OCLN: variants seen among roughly 807,000 people sequenced by gnomAD.
The protein encoded by OCLN is phosphatase 1, regulatory subunit 115.
OCLN carries 21 observed loss-of-function variants against 47.9 expected under a neutral mutation model. The ratio of observed to expected loss-of-function variants is 0.44; its 90% CI spans 0.31 to 0.63. OCLN has a LOEUF of 0.63. Ranked by LOEUF, OCLN falls within the 30% of genes least tolerant of loss-of-function variation. OCLN has a pLI of 0.08. For missense variants in OCLN, 360 were observed against 571.0 expected (o/e 0.63, Z 3.77); for synonymous variants, 117 against 198.4 (o/e 0.59, Z 3.45).
chr5:69,513,968 G>C lies in OCLN; in HGVS notation c.750G>C (p.Gly250=), dbSNP rs1458486495. The change falls in exon 4 of 9, where the codon GGG becomes GGC. Residue 250 remains glycine (G), a synonymous_variant. Coordinates refer to ENST00000396442, the MANE Select transcript of OCLN (RefSeq NM_001205254.2). ...DPQEAIAIVL[G]FMIIVAFALI... is the part of the protein sequence containing the mutation. ...TTTAGGCCATTGCCATTGTACTGGG[G>C]TTCATGATTATTGTGGCTTTTGCTT... The C allele has an allele frequency of 6.2e-7, 1 of 1,613,786 alleles. No individual in the cohort carries two copies. The highest frequency in any genetic ancestry group is 1.3e-5 in the African/African-American group (1 of 74,902).
chr5:69,532,111 C>T (rs1227724600), intron 4 of OCLN, among the ~76,000 whole-genome samples: 1 of 151,958 alleles, frequency 6.6e-6, no homozygotes, highest in Non-Finnish European at 1.5e-5. Context: ...ATCAAAATAA[C>T]TTTATGTACT....
rs577733357 is a variant in OCLN, at chr5:69,505,724, C to T, written c.50+1430C>T. ...TATCAAACATTGATAGGGATTTCCT[C>T]CTCTAAGTAGTTTGCAGCTTTAACC... On this transcript the variant is annotated intron_variant, in intron 2 of 8. Coordinates refer to ENST00000396442, the MANE Select transcript of OCLN (RefSeq NM_001205254.2). Among the ~76,000 whole-genome samples the T allele has an allele frequency of 1.1e-4, 16 of 152,266 alleles. No individual in the cohort carries two copies. In the South Asian group the frequency reaches 3.3e-3, roughly 32 times the overall value.
intron 4 of OCLN, among the ~76,000 whole-genome samples, chr5:69,532,256 A>G (rs1368744711): frequency 2.6e-5 from 4 of 152,098 alleles, no homozygotes; most frequent in Admixed American, 1.3e-4. Context: ...TGTATTTGAG[A>G]CAGGGTCTCA....
At chr5:69,495,308 C>G (rs1343249297) in intron 1 of OCLN, among the ~76,000 whole-genome samples, 1 of 152,088 alleles carries the variant, frequency 6.6e-6, no homozygotes, top group Non-Finnish European at 1.5e-5. Context: ...CCCAGTGATT[C>G]CAGTCTTGGC....
At chr5:69,522,615 C>T (rs1342991231) in intron 4 of OCLN, among the ~76,000 whole-genome samples, 1 of 152,084 alleles carries the variant, frequency 6.6e-6, no homozygotes, top group Non-Finnish European at 1.5e-5. Flanking sequence ...GACCACCCCC[C>T]TTGTTTTTTA....
chr5:69,515,148 G>A (rs1380486354), intron 4 of OCLN, among the ~76,000 whole-genome samples: 21 of 139,982 alleles, frequency 1.5e-4, no homozygotes, highest in African/African-American at 2.4e-4. Context: ...CTGGCCGGGC[G>A]GGGGGCTGAC....
chr5:69,527,513 T>G (rs528570855), intron 4 of OCLN, among the ~76,000 whole-genome samples: 4 of 152,216 alleles, frequency 2.6e-5, no homozygotes, highest in African/African-American at 7.2e-5. Flanking sequence ...TTAATTTTTG[T>G]GGGTACATAG....
At chr5:69,514,928 C>G (rs1251345985) in intron 4 of OCLN, among the ~76,000 whole-genome samples, 1 of 152,248 alleles carries the variant, frequency 6.6e-6, no homozygotes, top group Non-Finnish European at 1.5e-5. Flanking sequence ...CTACCACTTT[C>G]TACACAGACA....
chr5:69,527,739 A>G (rs1769321559), intron 4 of OCLN, among the ~76,000 whole-genome samples: 2 of 152,046 alleles, frequency 1.3e-5, no homozygotes, highest in African/African-American at 4.8e-5. Context: ...AGTCTTGATG[A>G]TCTCTATGTT....
At position 69,493,304 on chromosome 5, in the gene OCLN, T is replaced by A. The variant is rs1260080556; in HGVS notation, c.-69+404T>A. ...CATGGAGAGGGATCCTGCGCCCAGC[T>A]CCTTGGGGGTCCTAAGCCTGAGGCT... On this transcript the variant is annotated intron_variant, in intron 1 of 8. Coordinates refer to ENST00000396442, the MANE Select transcript of OCLN (RefSeq NM_001205254.2). This position sits in a 1 kb window ranked among gnomAD's most constrained non-coding sequence, Gnocchi z 5.3. 6.6e-6 allele frequency among the ~76,000 whole-genome samples: 1 copy of A among 151,578 alleles called. No homozygotes were observed. Among genetic ancestry groups the A allele is most frequent in the East Asian group, 2.0e-4 (1 of 5,084 alleles).
In OCLN at chr5:69,493,429, G is replaced by A. The variant is rs1317480997; in HGVS notation, c.-69+529G>A. 6.6e-6 allele frequency among the ~76,000 whole-genome samples: 1 copy of A among 152,128 alleles called. No homozygotes were observed. The highest frequency in any genetic ancestry group is 1.5e-5 in the Non-Finnish European group (1 of 68,024). On this transcript the variant is annotated intron_variant, in intron 1 of 8. Coordinates refer to ENST00000396442, the MANE Select transcript of OCLN (RefSeq NM_001205254.2). The surrounding 1 kb of genome is among the most constrained non-coding windows in gnomAD (Gnocchi z 5.3). ...ACCCCTTTGGATATCCCGGGGAGAC[G>A]GGGGCTGGATTCAATCTGTGAAATA...
At chr5:69,515,825 C>T (rs1352637583) in intron 4 of OCLN, among the ~76,000 whole-genome samples, 3 of 151,030 alleles carry the variant, frequency 2.0e-5, no homozygotes, top group South Asian at 2.1e-4. Context: ...GACGGGGTCG[C>T]GGCTGGGTAG....
intron 4 of OCLN, among the ~76,000 whole-genome samples, chr5:69,532,243 G>T (rs372628390): frequency 2.0e-5 from 3 of 151,872 alleles, no homozygotes; most frequent in Non-Finnish European, 2.9e-5. Flanking sequence ...GGTTGTGTTT[G>T]TATGTATTTG....
intron 4 of OCLN, among the ~76,000 whole-genome samples, chr5:69,515,511 C>A (rs1218345523): frequency 1.3e-4 from 17 of 135,110 alleles, no homozygotes; most frequent in African/African-American, 3.9e-4. Context: ...ACCTCCCGGA[C>A]GGGGCGGCTG....
chr5:69,549,486 A>G lies in OCLN; in HGVS notation c.1425+1385A>G, dbSNP rs1010533474. 6.9e-4 allele frequency among the ~76,000 whole-genome samples: 101 copies of G among 147,444 alleles called. 1 individual carries two copies. Among genetic ancestry groups the G allele is most frequent in the African/African-American group, 2.3e-3 (95 of 40,592 alleles). On this transcript the variant is annotated intron_variant, in intron 7 of 8. Transcript: ENST00000396442. ...CTCCAAGCAGGAGTCACCAAGGCACATACACCTTTCTTTAAGGAAACATCA... is the reference window on the plus strand; with the variant it reads ...CTCCAAGCAGGAGTCACCAAGGCACGTACACCTTTCTTTAAGGAAACATCA...
chr5:69,530,766 T>G (rs1469593301), intron 4 of OCLN: 1 of 152,286 alleles, frequency 6.6e-6, no homozygotes, highest in East Asian at 1.9e-4. Flanking sequence ...TAATCAGAGA[T>G]CTTTGCTGAA....
chr5:69,504,422 T>G, intron 2 of OCLN, 128 bp downstream of exon 2: 1 of 712,996 alleles, frequency 1.4e-6, no homozygotes, highest in Admixed American at 2.1e-5. Context: ...ATTTAAATTG[T>G]ATCAAAGGGT....
intron 1 of OCLN, among the ~76,000 whole-genome samples, chr5:69,502,165 T>C (rs1415421207): frequency 6.6e-6 from 1 of 151,726 alleles, no homozygotes; most frequent in Admixed American, 6.6e-5. Flanking sequence ...TGCCATTGCA[T>C]TCCATCCTGG....
At chr5:69,533,198 C>A (rs1769496094) in intron 4 of OCLN, among the ~76,000 whole-genome samples, 1 of 150,566 alleles carries the variant, frequency 6.6e-6, no homozygotes, top group African/African-American at 2.4e-5. Flanking sequence ...ATTTTTTATC[C>A]CAAAGGTTCT....
Sources: allele counts gnomAD v4.1 joint callset (sites outside exome capture counted in the v4.1 genomes callset), GRCh38; gene constraint gnomAD v4.1.1; non-coding constraint Gnocchi (gnomAD v3.1); transcripts MANE v1.5; gene names NCBI Gene and HGNC (gene_info 2026-07-23, HGNC 2026-07-21).